C1orf94: variants seen among roughly 807,000 people sequenced by gnomAD.
C1orf94 encodes the protein chromosome 1 open reading frame 94.
A neutral mutation model predicts 53.6 loss-of-function variants in C1orf94; 45 were observed. That is an observed-to-expected ratio of 0.84 (90% CI 0.66 to 1.08). The LOEUF (loss-of-function observed/expected upper bound fraction) is 1.08. Among genes scored for constraint, C1orf94 ranks in the 50% least tolerant of loss-of-function variants. C1orf94 has a pLI of 0.00. For missense variants in C1orf94, 762 were observed against 738.9 expected, an observed-to-expected ratio of 1.03 and a Z score of -0.36; for synonymous variants, 304 against 296.1, an observed-to-expected ratio of 1.03 and a Z score of -0.27.
intron 5 of C1orf94, 64 bp downstream of exon 5, chr1:34,208,298 T>G: frequency 2.1e-6 from 3 of 1,462,830 alleles, no homozygotes; most frequent in Non-Finnish European, 2.8e-6. Context: ...AGAGGGTGCA[T>G]CTGCTCCCTC....
In C1orf94 at chr1:34,197,910, A is replaced by G. The variant is rs558422933; in HGVS notation, c.1006A>G (p.Met336Val). The change falls in exon 2 of 7, where the codon ATG becomes GTG. Residue 336 changes from methionine (M) to valine (V), a missense_variant. Coordinates refer to ENST00000488417, the MANE Select transcript of C1orf94 (RefSeq NM_001134734.2). This position sits in a 1 kb window ranked among gnomAD's most constrained non-coding sequence, Gnocchi z 4.1. ...ADPAVERHHL[M>V]EWSPGTKEPK... Reference sequence around the variant, plus strand: ...CCCTGCTGTGGAGAGGCACCACTTGATGGGTGAGTGGGGTTGGAACTGGGG... The same window carrying G: ...CCCTGCTGTGGAGAGGCACCACTTGGTGGGTGAGTGGGGTTGGAACTGGGG... 2.5e-6 allele frequency: 4 copies of G among 1,611,940 alleles called. No individual in the cohort carries two copies. The highest frequency in any genetic ancestry group is 1.7e-5 in the Admixed American group (1 of 59,914).
At chr1:34,208,445 G>T (rs1347214938) in intron 5 of C1orf94, among the ~76,000 whole-genome samples, 1 of 152,182 alleles carries the variant, frequency 6.6e-6, no homozygotes, top group Non-Finnish European at 1.5e-5. Flanking sequence ...AGCCCTTCCT[G>T]TGTGCTGGGC....
rs58794132 is a variant in C1orf94 at position 34,207,262 on chromosome 1, G to GGTGTGT, written c.1447-858_1447-853dup. ...CACTGCCACAGCAGCAGTTCTGCGG[G>GGTGTGT]GTGTGTGTGTGTGTGTGTGTGTGTG... On this transcript the variant is annotated intron_variant, in intron 4 of 6. Coordinates refer to ENST00000488417, the MANE Select transcript of C1orf94 (RefSeq NM_001134734.2). Among the ~76,000 whole-genome samples the GGTGTGT allele has an allele frequency of 1.0e-2, 1,469 of 147,412 alleles. 32 individuals carry two copies. Among genetic ancestry groups the GGTGTGT allele is most frequent in the African/African-American group, 0.034 (1,356 of 39,848 alleles).
At chr1:34,211,467 T>C (rs1472179561) in intron 5 of C1orf94, among the ~76,000 whole-genome samples, 2 of 152,160 alleles carry the variant, frequency 1.3e-5, no homozygotes, top group African/African-American at 2.4e-5. Context: ...GAAGCACCAC[T>C]GAATTCCTGT....
chr1:34,197,951 A>C lies in C1orf94; in HGVS notation c.1009+38A>C. On this transcript the variant is annotated intron_variant, in intron 2 of 6. Transcript: ENST00000488417. This position sits in a 1 kb window ranked among gnomAD's most constrained non-coding sequence, Gnocchi z 4.1. ...GGAACTGGGGTAGAGTGGGCCTGCA[A>C]GGAGGAGGTCCTTCCCAGGAAGCCA... The C allele has an allele frequency of 1.3e-6, 2 of 1,559,510 alleles. No homozygotes were observed. The highest frequency in any genetic ancestry group is 1.7e-6 in the Non-Finnish European group (2 of 1,150,844).
At chr1:34,205,301 G>A (rs1164711839) in intron 4 of C1orf94, among the ~76,000 whole-genome samples, 1 of 152,144 alleles carries the variant, frequency 6.6e-6, no homozygotes, top group African/African-American at 2.4e-5. Flanking sequence ...GAAGGCATTG[G>A]TCCTCCCAGG....
intron 4 of C1orf94, among the ~76,000 whole-genome samples, 177 bp downstream of exon 4, chr1:34,202,436 G>A (rs1158859837): frequency 6.6e-6 from 1 of 152,176 alleles, no homozygotes; most frequent in African/African-American, 2.4e-5. Flanking sequence ...CAGCTTGTTG[G>A]TTATTTTTTT....
At chr1:34,195,896 C>T (rs1055435748) in intron 1 of C1orf94, among the ~76,000 whole-genome samples, 1 of 152,116 alleles carries the variant, frequency 6.6e-6, no homozygotes, top group Non-Finnish European at 1.5e-5. Context: ...TCATCATGCC[C>T]TCTGAGAGGC....
chr1:34,169,724 T>C (rs1179409135), intron 1 of C1orf94, among the ~76,000 whole-genome samples: 3 of 151,488 alleles, frequency 2.0e-5, no homozygotes, highest in East Asian at 3.9e-4. Context: ...AGGACAAAGA[T>C]GGGCTCAGAG....
At position 34,186,819 on chromosome 1, in the gene C1orf94, TG is replaced by T. The variant is rs2148613775; in HGVS notation, c.320+8712del. 1.3e-5 allele frequency among the ~76,000 whole-genome samples: 2 copies of T among 152,350 alleles called. 1 individual carries two copies. Among genetic ancestry groups the T allele is most frequent in the South Asian group, 4.1e-4 (2 of 4,834 alleles). On this transcript the variant is annotated intron_variant, in intron 1 of 6. Transcript: ENST00000488417. The stretch of plus-strand genomic sequence containing the variant: ...CTGGCACATATCGTGTGCTGCCTTG[TG>T]GCAACAATTCCTCTTCCGCTACTGC...
intron 5 of C1orf94, among the ~76,000 whole-genome samples, chr1:34,209,862 T>C (rs1642861676): frequency 6.6e-6 from 1 of 152,212 alleles, no homozygotes; most frequent in African/African-American, 2.4e-5. Context: ...TGTGTATGTG[T>C]ATGCATGCAT....
intron 1 of C1orf94, among the ~76,000 whole-genome samples, chr1:34,192,993 A>G (rs1350979744): frequency 6.6e-6 from 1 of 151,972 alleles, no homozygotes; most frequent in Non-Finnish European, 1.5e-5. Flanking sequence ...TCAGCAGGGG[A>G]ATGGTTTGAT....
At chr1:34,192,003 C>T (rs1478930) in intron 1 of C1orf94, among the ~76,000 whole-genome samples, 21,513 of 152,094 alleles carry the variant, frequency 0.14, 2,060 homozygotes, top group African/African-American at 0.27. Context: ...GAGCTGGAGC[C>T]GCAGAACTGA....
At chr1:34,205,896 A>G (rs538957095) in intron 4 of C1orf94, among the ~76,000 whole-genome samples, 63 of 152,300 alleles carry the variant, frequency 4.1e-4, no homozygotes, top group Non-Finnish European at 5.6e-4. Flanking sequence ...TCTGCTCCCA[A>G]TGAAGGAGGG....
intron 1 of C1orf94, among the ~76,000 whole-genome samples, chr1:34,189,270 G>A (rs1272526029): frequency 6.6e-6 from 1 of 152,054 alleles, no homozygotes; most frequent in Non-Finnish European, 1.5e-5. Flanking sequence ...GTGTGTGCAT[G>A]TGTGAATGTG....
Position 34,212,091 on chromosome 1 carries a change from C to T in C1orf94, c.1525-119C>T, listed in dbSNP as rs571248664. 12 of 820,150 alleles carry T rather than the reference C, an allele frequency of 1.5e-5. No individual in the cohort carries two copies. In the Admixed American group the frequency reaches 4.2e-4, roughly 29 times the overall value. 50.8% of individuals were successfully genotyped at this position (820,150 alleles called of 1,614,324 possible). On this transcript the variant is annotated intron_variant, in intron 5 of 6. Coordinates refer to ENST00000488417, the MANE Select transcript of C1orf94 (RefSeq NM_001134734.2). ...AGGCTTTCTCCATTCCAACATGTTGCCTTCTGTGTACCCAGCAGTGACTGA... is the reference window on the plus strand; with the variant it reads ...AGGCTTTCTCCATTCCAACATGTTGTCTTCTGTGTACCCAGCAGTGACTGA...
chr1:34,171,380 A>G (rs2148608140), intron 1 of C1orf94, among the ~76,000 whole-genome samples: 1 of 152,306 alleles, frequency 6.6e-6, no homozygotes, highest in East Asian at 1.9e-4. Context: ...TCTTACAAGC[A>G]GTATTTGTCA....
intron 1 of C1orf94, among the ~76,000 whole-genome samples, chr1:34,189,427 G>A (rs1642445311): frequency 6.6e-6 from 1 of 152,102 alleles, no homozygotes; most frequent in Admixed American, 6.5e-5. Context: ...CTTGGATCTG[G>A]AGGAGAAGGA....
intron 4 of C1orf94, among the ~76,000 whole-genome samples, chr1:34,202,811 C>T (rs1642733719): frequency 6.6e-6 from 1 of 152,246 alleles, no homozygotes; most frequent in African/African-American, 2.4e-5. Flanking sequence ...AGTCAGCCCT[C>T]TGTATCCATG....
Sources: gnomAD v4.1 joint callset for allele counts (sites outside exome capture counted in the v4.1 genomes callset) on GRCh38, gnomAD v4.1.1 for gene constraint, Gnocchi (gnomAD v3.1) non-coding constraint, MANE v1.5 for transcripts, NCBI Gene and HGNC (gene_info 2026-07-23, HGNC 2026-07-21) for gene names.